The following TSPAN9 variants were observed in gnomAD, a reference collection of about 807,000 sequenced individuals.
The protein encoded by TSPAN9 is tetraspanin 9.
In TSPAN9, 16 loss-of-function variants were observed where a neutral mutation model predicts 31.0. The observed-to-expected ratio is 0.52, with a 90% CI of 0.35 to 0.78. The LOEUF is 0.78. Among genes scored for constraint, TSPAN9 ranks in the 30% least tolerant of loss-of-function variants. The pLI is 0.01. For missense variants in TSPAN9, 272 were observed against 312.5 expected, an observed-to-expected ratio of 0.87 and a Z score of 0.98; for synonymous variants, 145 against 121.6, an observed-to-expected ratio of 1.19 and a Z score of -1.27.
At chr12:3,138,840 G>T (rs1244788761) in intron 2 of TSPAN9, among the ~76,000 whole-genome samples, 3 of 152,042 alleles carry the variant, frequency 2.0e-5, no homozygotes, top group East Asian at 3.9e-4. Flanking sequence ...TTCTTTCCCT[G>T]CACTTATCTG....
At position 3,228,420 on chromosome 12, in the gene TSPAN9, C is replaced by T. The variant is rs74054935; in HGVS notation, c.63+27164C>T. Reference sequence around the variant, plus strand: ...ATCCTGCTTTTCAGTCCCCATTTCACGCATGAGGATACTAAATCTCAGAGG... The same window carrying T: ...ATCCTGCTTTTCAGTCCCCATTTCATGCATGAGGATACTAAATCTCAGAGG... On this transcript the variant is annotated intron_variant, in intron 3 of 8. Coordinates refer to ENST00000011898, the MANE Select transcript of TSPAN9 (RefSeq NM_006675.5). 8.8e-4 allele frequency among the ~76,000 whole-genome samples: 134 copies of T among 152,324 alleles called. 1 individual carries two copies. Among genetic ancestry groups the T allele is most frequent in the African/African-American group, 3.1e-3 (129 of 41,560 alleles).
At chr12:3,255,506 T>G (rs1342567150) in intron 3 of TSPAN9, among the ~76,000 whole-genome samples, 1 of 145,954 alleles carries the variant, frequency 6.9e-6, no homozygotes, top group Non-Finnish European at 1.6e-5. Flanking sequence ...TGCCACCATA[T>G]TCCTGAGATT....
intron 3 of TSPAN9, among the ~76,000 whole-genome samples, chr12:3,221,519 C>T (rs891509813): frequency 3.3e-5 from 5 of 151,964 alleles, no homozygotes; most frequent in African/African-American, 4.8e-5. Flanking sequence ...CCACCAAGCC[C>T]GTCTAATTTT....
At chr12:3,205,992 G>C (rs1415322443) in intron 3 of TSPAN9, among the ~76,000 whole-genome samples, 3 of 152,198 alleles carry the variant, frequency 2.0e-5, no homozygotes, top group African/African-American at 7.2e-5. Flanking sequence ...TCAATCAGGA[G>C]GGGGTGGGGA....
At chr12:3,261,421 G>A (rs1009853195) in intron 3 of TSPAN9, among the ~76,000 whole-genome samples, 1 of 152,168 alleles carries the variant, frequency 6.6e-6, no homozygotes, top group Non-Finnish European at 1.5e-5. Flanking sequence ...ATCTGGCAAG[G>A]GGTAGAGCTG....
intron 2 of TSPAN9, among the ~76,000 whole-genome samples, chr12:3,084,526 G>C (rs2098299454): frequency 6.6e-6 from 1 of 152,124 alleles, no homozygotes; most frequent in African/African-American, 2.4e-5. Context: ...GTGAGTTCCA[G>C]CAGGGATTAT....
intron 2 of TSPAN9, among the ~76,000 whole-genome samples, chr12:3,175,001 T>G (rs943809874): frequency 6.6e-6 from 1 of 152,172 alleles, no homozygotes; most frequent in Non-Finnish European, 1.5e-5. Context: ...CCTTATTTTC[T>G]GAGGAGGTGG....
At chr12:3,103,530 G>A (rs2098312811) in intron 2 of TSPAN9, among the ~76,000 whole-genome samples, 1 of 141,340 alleles carries the variant, frequency 7.1e-6, no homozygotes, top group Non-Finnish European at 1.5e-5. Flanking sequence ...AACTGGGACT[G>A]CAAGTTGGCC....
At position 3,174,522 on chromosome 12, in the gene TSPAN9, T is replaced by G. The variant is rs527456067; in HGVS notation, c.-17-26655T>G. Among the ~76,000 whole-genome samples the G allele has an allele frequency of 2.6e-5, 4 of 152,348 alleles. No individual in the cohort carries two copies. The South Asian group carries it at 6.2e-4, about 24-fold the overall frequency. On this transcript the variant is annotated intron_variant, in intron 2 of 8. Coordinates refer to ENST00000011898, the MANE Select transcript of TSPAN9 (RefSeq NM_006675.5). ...TCTGCTGTGTTTGGGGCCAGGGGCT[T>G]CTTCTTGTAACAGGCCCAGCACACC... is the stretch of plus-strand genomic sequence containing the variant.
At chr12:3,214,206 C>G (rs1032449668) in intron 3 of TSPAN9, among the ~76,000 whole-genome samples, 4 of 152,136 alleles carry the variant, frequency 2.6e-5, no homozygotes, top group African/African-American at 9.7e-5. Context: ...TTCTTTTGTT[C>G]CCTTTGTCTT....
chr12:3,141,182 C>T (rs551845975), intron 2 of TSPAN9, among the ~76,000 whole-genome samples: 15 of 152,178 alleles, frequency 9.9e-5, no homozygotes, highest in East Asian at 5.8e-4. Flanking sequence ...TCAAATACCC[C>T]GTGTCAGGAG....
intron 2 of TSPAN9, among the ~76,000 whole-genome samples, chr12:3,136,140 AGCAGTGACGT>A (rs1231943032): frequency 6.6e-6 from 1 of 152,306 alleles, no homozygotes; most frequent in African/African-American, 2.4e-5. Flanking sequence ...GCTGCACATC[AGCAGTGACGT>A]GCAGTGACAG....
intron 1 of TSPAN9, among the ~76,000 whole-genome samples, chr12:3,079,277 T>C (rs1013352093): frequency 6.6e-6 from 1 of 151,704 alleles, no homozygotes; most frequent in Non-Finnish European, 1.5e-5. Flanking sequence ...CCGCATTGGC[T>C]GAAGTTTGTT....
chr12:3,077,954 G>C lies in TSPAN9; in HGVS notation c.-85+501G>C, dbSNP rs561474049. Among the ~76,000 whole-genome samples, 38 of 152,286 alleles carry C rather than the reference G, an allele frequency of 2.5e-4. No homozygotes were observed. The South Asian group carries it at 3.5e-3, about 14-fold the overall frequency. On this transcript the variant is annotated intron_variant, in intron 1 of 8. Coordinates refer to ENST00000011898, the MANE Select transcript of TSPAN9 (RefSeq NM_006675.5). Reference sequence around the variant, plus strand: ...GAGTGACAGGACTCTGGCACATCCCGAAGTTGGAGATCTAGCCCATCTGTG... The same window carrying C: ...GAGTGACAGGACTCTGGCACATCCCCAAGTTGGAGATCTAGCCCATCTGTG...
intron 3 of TSPAN9, among the ~76,000 whole-genome samples, chr12:3,202,530 AC>A (rs995720946): frequency 6.6e-6 from 1 of 152,056 alleles, no homozygotes; most frequent in Non-Finnish European, 1.5e-5. Flanking sequence ...TTCTTGTGTG[AC>A]CTTGGGCAAA....
At chr12:3,263,487 T>C (rs1188998078) in intron 3 of TSPAN9, among the ~76,000 whole-genome samples, 1 of 152,172 alleles carries the variant, frequency 6.6e-6, no homozygotes, top group Non-Finnish European at 1.5e-5. Context: ...CTGGCCTGTA[T>C]GAGCAGGAGG....
chr12:3,256,895 A>G (rs1161934878), intron 3 of TSPAN9, among the ~76,000 whole-genome samples: 1 of 152,166 alleles, frequency 6.6e-6, no homozygotes, highest in Non-Finnish European at 1.5e-5. Flanking sequence ...GTCCTGGGAT[A>G]GTCCTGTAGT....
rs1026936157 is a variant in TSPAN9 at position 3,266,119 on chromosome 12, C to T, written c.64-12302C>T. ...CTCCAGGCCCAGAGGCTTGTGTCTG[C>T]ACACTCTATCACAGCTAGCCTTCCT... On this transcript the variant is annotated intron_variant, in intron 3 of 8. Transcript: ENST00000011898. Among the ~76,000 whole-genome samples, 3 of 152,200 alleles carry T rather than the reference C, an allele frequency of 2.0e-5. No individual in the cohort carries two copies. The South Asian group carries it at 6.2e-4, about 32-fold the overall frequency.
intron 3 of TSPAN9, among the ~76,000 whole-genome samples, chr12:3,245,049 G>A (rs1862093741): frequency 6.6e-6 from 1 of 152,184 alleles, no homozygotes; most frequent in South Asian, 2.1e-4. Flanking sequence ...GGTGCTAAGT[G>A]CTCCTGGGAA....
Sources: gnomAD v4.1 joint callset for allele counts (sites outside exome capture counted in the v4.1 genomes callset) on GRCh38, gnomAD v4.1.1 for gene constraint, MANE v1.5 for transcripts, NCBI Gene and HGNC (gene_info 2026-07-23, HGNC 2026-07-21) for gene names.